PGAP4: variants seen among roughly 807,000 people sequenced by gnomAD.
PGAP4 encodes the protein post-GPI attachment to proteins GalNAc transferase 4.
PGAP4 carries 12 observed loss-of-function variants against 28.2 expected under a neutral mutation model. The observed-to-expected ratio is 0.42, with a 90% CI of 0.27 to 0.69. The LOEUF is 0.69. Ranked by LOEUF, PGAP4 falls within the 30% of genes least tolerant of loss-of-function variation. The pLI is 0.22. For synonymous variants in PGAP4, 205 were observed against 211.8 expected (o/e 0.97, Z 0.28); for missense variants, 425 against 513.5 (o/e 0.83, Z 1.67).
chr9:101,475,872 C>G lies in PGAP4; in HGVS notation c.*9G>C. 1 of 1,607,650 alleles carries G rather than the reference C, an allele frequency of 6.2e-7. No individual in the cohort carries two copies. On this transcript the variant is annotated 3_prime_UTR_variant, in exon 2 of 2. Transcript: ENST00000374848. ...AGTGGCCAACTTCAGAAAGGCATCTCTTGGCACCCTAGAGGAGACTGGGAT... is the reference window on the plus strand; with the variant it reads ...AGTGGCCAACTTCAGAAAGGCATCTGTTGGCACCCTAGAGGAGACTGGGAT...
At chr9:101,529,592 G>A (rs1309865344) in intron 2 of PGAP4, among the ~76,000 whole-genome samples, 1 of 152,210 alleles carries the variant, frequency 6.6e-6, no homozygotes, top group Non-Finnish European at 1.5e-5. Context: ...CCTGGCTCTA[G>A]CTCCCCTGAG....
chr9:101,493,036 C>T (rs746143025), intron 2 of PGAP4, among the ~76,000 whole-genome samples: 3 of 151,900 alleles, frequency 2.0e-5, no homozygotes, highest in Non-Finnish European at 2.9e-5. Context: ...GGGCGGATCA[C>T]GAGATCAAGA....
chr9:101,510,616 G>A (rs917438112), intron 2 of PGAP4, among the ~76,000 whole-genome samples: 2 of 152,096 alleles, frequency 1.3e-5, no homozygotes, highest in African/African-American at 2.4e-5. Flanking sequence ...CACAGTCTTA[G>A]TCTTCTGCTG....
chr9:101,496,355 G>T (rs1826747899), intron 2 of PGAP4, among the ~76,000 whole-genome samples: 1 of 151,388 alleles, frequency 6.6e-6, no homozygotes, highest in South Asian at 2.1e-4. Flanking sequence ...GTGCAGCGAA[G>T]TCCAGCAAAA....
Position 101,476,031 on chromosome 9 carries a change from CACTTGGG to C in PGAP4, c.1055_1061del (p.Ser352CysfsTer17). 6.2e-7 allele frequency: 1 copy of C among 1,614,166 alleles called. No individual in the cohort carries two copies. Among genetic ancestry groups the C allele is most frequent in the Non-Finnish European group, 8.5e-7 (1 of 1,180,036 alleles). On this transcript the variant is annotated frameshift_variant, in exon 2 of 2. Transcript: ENST00000374848. LOFTEE classifies it high-confidence loss of function. This position sits in a 1 kb window ranked among gnomAD's most constrained non-coding sequence, Gnocchi z 7.0. ...CCTTGCCAAAGCCCTTGTGGCAGTA[CACTTGGG>C]ACAGGTAGGTGAGGGTCCGGCGGGC...
chr9:101,521,613 A>G (rs1826988782), intron 2 of PGAP4, among the ~76,000 whole-genome samples: 1 of 151,976 alleles, frequency 6.6e-6, no homozygotes, highest in African/African-American at 2.4e-5. Flanking sequence ...TTTCTTGGTT[A>G]TTCTTGCCAA....
chr9:101,505,302 A>G (rs1328492592), intron 2 of PGAP4, among the ~76,000 whole-genome samples: 2 of 152,114 alleles, frequency 1.3e-5, no homozygotes, highest in African/African-American at 4.8e-5. Flanking sequence ...TAAAAGGGGT[A>G]CTTGAAACCC....
chr9:101,484,095 A>G (rs753996666), intron 1 of PGAP4, among the ~76,000 whole-genome samples: 1 of 152,176 alleles, frequency 6.6e-6, no homozygotes, highest in Non-Finnish European at 1.5e-5. Flanking sequence ...TAACGATCCT[A>G]CTTCTAGGAA....
chr9:101,496,375 T>C (rs568202108), intron 2 of PGAP4, among the ~76,000 whole-genome samples: 4 of 151,616 alleles, frequency 2.6e-5, no homozygotes, highest in Admixed American at 1.3e-4. Context: ...AGTTGAACTT[T>C]TGAGATGTAA....
chr9:101,477,482 G>T (rs532447523), intron 1 of PGAP4, among the ~76,000 whole-genome samples: 1 of 152,124 alleles, frequency 6.6e-6, no homozygotes, highest in Admixed American at 6.5e-5. Flanking sequence ...GTAGGCTGTT[G>T]GGATCATTAT....
intron 2 of PGAP4, among the ~76,000 whole-genome samples, chr9:101,524,385 C>T (rs759547634): frequency 3.9e-5 from 6 of 152,094 alleles, no homozygotes; most frequent in Admixed American, 1.3e-4. Context: ...GCTTGAAAAC[C>T]GGCCCCAGGC....
chr9:101,532,862 C>T (rs186022380), exon 1 of PGAP4: 2 of 152,288 alleles, frequency 1.3e-5, no homozygotes, highest in East Asian at 3.9e-4. Flanking sequence ...TTCACACTAA[C>T]AGAAATCCAG....
chr9:101,502,235 A>G (rs1826809952), intron 2 of PGAP4, among the ~76,000 whole-genome samples: 1 of 152,072 alleles, frequency 6.6e-6, no homozygotes, highest in Admixed American at 6.6e-5. Context: ...TTTGAGGGGT[A>G]GAAAAGGGAA....
chr9:101,522,925 G>T (rs1827000741), intron 2 of PGAP4, among the ~76,000 whole-genome samples: 1 of 152,108 alleles, frequency 6.6e-6, no homozygotes, highest in Non-Finnish European at 1.5e-5. Context: ...GCTTGGTAAT[G>T]GCAAATTCTC....
chr9:101,497,756 A>G (rs969869911), intron 2 of PGAP4, among the ~76,000 whole-genome samples: 2 of 151,712 alleles, frequency 1.3e-5, no homozygotes, highest in Admixed American at 6.6e-5. Flanking sequence ...ATAACTATAT[A>G]TTCTATATTT....
chr9:101,529,553 C>A (rs1395088032), intron 2 of PGAP4, among the ~76,000 whole-genome samples: 1 of 152,186 alleles, frequency 6.6e-6, no homozygotes. Flanking sequence ...TGTTAGGACA[C>A]CTTGTCCTCA....
chr9:101,476,395 G>C lies in PGAP4; in HGVS notation c.698C>G (p.Ser233Cys). The change falls in exon 2 of 2, where the codon TCT becomes TGT. Residue 233 changes from serine to cysteine, a missense_variant. Physicochemically the swap from Ser to Cys is moderately radical, Grantham distance 112 (BLOSUM62 -1). Coordinates refer to ENST00000374848, the MANE Select transcript of PGAP4 (RefSeq NM_032342.3). The surrounding 1 kb of genome is among the most constrained non-coding windows in gnomAD (Gnocchi z 7.0). The stretch of plus-strand genomic sequence containing the variant: ...AAGGGCATCTCTGAGATGTGGCTCA[G>C]AGAAGCGAGCCCGCAGAAGGTGCTC... ...VLEHLLRARF[S>C]EPHLRDALYL... 1 of 1,614,126 alleles carries C rather than the reference G, an allele frequency of 6.2e-7. No individual in the cohort carries two copies.
chr9:101,496,328 T>G (rs1826747535), intron 2 of PGAP4, among the ~76,000 whole-genome samples: 1 of 151,422 alleles, frequency 6.6e-6, no homozygotes, highest in East Asian at 1.9e-4. Context: ...GGCAATGATG[T>G]GTGATCTGCA....
chr9:101,514,129 C>T (rs1384836976), intron 2 of PGAP4, among the ~76,000 whole-genome samples: 1 of 152,108 alleles, frequency 6.6e-6, no homozygotes, highest in Non-Finnish European at 1.5e-5. Context: ...GGAACACCCT[C>T]ACAGATAGCC....
Sources: gnomAD v4.1 joint callset for allele counts (sites outside exome capture counted in the v4.1 genomes callset) on GRCh38, gnomAD v4.1.1 for gene constraint, Gnocchi (gnomAD v3.1) non-coding constraint, MANE v1.5 for transcripts, NCBI Gene and HGNC (gene_info 2026-07-23, HGNC 2026-07-21) for gene names.